Variants in TFAP2D observed in about 807,000 individuals in gnomAD.
TFAP2D encodes the protein transcription factor AP-2 delta, also known as transcription factor AP-2-delta.
Under a neutral mutation model 43.6 loss-of-function variants are expected in TFAP2D, and 9 were observed. The ratio of observed to expected loss-of-function variants is 0.21; its 90% CI spans 0.12 to 0.36. The LOEUF (loss-of-function observed/expected upper bound fraction) is 0.36, where lower values mean the gene tolerates loss of function less well. TFAP2D is among the 10% of genes least tolerant of loss of function. The probability of loss-of-function intolerance (pLI) is 1.00; values close to 1 mark genes in which losing one functional copy is unlikely to be tolerated. For synonymous variants in TFAP2D, 256 were observed against 224.9 expected (o/e 1.14, Z -1.24); for missense variants, 513 against 561.4 (o/e 0.91, Z 0.87).
At chr6:50,720,481 A>G (rs1166691863) in intron 3 of TFAP2D, among the ~76,000 whole-genome samples, 2 of 141,742 alleles carry the variant, frequency 1.4e-5, no homozygotes, top group South Asian at 4.5e-4. Flanking sequence ...CCCTATGGAG[A>G]TTAAAACACA....
chr6:50,717,726 G>A (rs185139268), intron 2 of TFAP2D, among the ~76,000 whole-genome samples: 277 of 152,206 alleles, frequency 1.8e-3, no homozygotes, highest in Middle Eastern at 0.01. Flanking sequence ...ATGCTATGTA[G>A]CAAGTTTGTA....
At chr6:50,726,341 G>A (rs1266750537) in intron 3 of TFAP2D, among the ~76,000 whole-genome samples, 1 of 152,112 alleles carries the variant, frequency 6.6e-6, no homozygotes, top group Non-Finnish European at 1.5e-5. Context: ...CTAAAATTGT[G>A]GTATTCCCTA....
intron 7 of TFAP2D, among the ~76,000 whole-genome samples, chr6:50,759,902 C>G (rs1292268145): frequency 1.3e-5 from 2 of 152,122 alleles, no homozygotes; most frequent in East Asian, 3.9e-4. Flanking sequence ...GAGCACACAT[C>G]TCCCAATCTG....
At chr6:50,765,059 T>G (rs2113894010) in intron 7 of TFAP2D, among the ~76,000 whole-genome samples, 1 of 152,304 alleles carries the variant, frequency 6.6e-6, no homozygotes, top group East Asian at 1.9e-4. Flanking sequence ...TACTGAAAGT[T>G]TGTACCTTTT....
intron 7 of TFAP2D, among the ~76,000 whole-genome samples, chr6:50,753,435 C>T (rs1439726531): frequency 6.6e-6 from 1 of 151,912 alleles, no homozygotes; most frequent in African/African-American, 2.4e-5. Flanking sequence ...CAGTTGCCAA[C>T]TTAGTGCCAC....
chr6:50,715,427 C>G lies in TFAP2D; in HGVS notation c.351C>G (p.His117Gln), dbSNP rs768685047. The G allele has an allele frequency of 4.3e-6, 7 of 1,614,172 alleles. No individual in the cohort carries two copies. In the South Asian group the frequency reaches 7.7e-5, roughly 18 times the overall value. The change falls in exon 2 of 8, where the codon CAC becomes CAG. Residue 117 changes from histidine (H) to glutamine (Q), a missense_variant. This residue lies in a region of TFAP2D where 311 missense variants were observed against 316.2 expected (regional missense o/e 0.98). Coordinates refer to ENST00000008391, the MANE Select transcript of TFAP2D (RefSeq NM_172238.4). The part of the protein sequence containing the change: ...HGEPTDFINL[H>Q]NARALKSSCL... ...AGCCCACCGACTTTATTAACCTGCA[C>G]AATGCGCGGGCGCTCAAGTCGTCCT...
At chr6:50,737,587 T>C (rs1162715100) in intron 5 of TFAP2D, among the ~76,000 whole-genome samples, 2 of 152,144 alleles carry the variant, frequency 1.3e-5, no homozygotes, top group Non-Finnish European at 1.5e-5. Flanking sequence ...AGAAAACAAA[T>C]GTTATTAGTT....
In TFAP2D at chr6:50,772,875, C is replaced by T. The variant is rs1561943770; in HGVS notation, c.*11C>T. 2 of 1,604,034 alleles carry T rather than the reference C, an allele frequency of 1.2e-6. No individual in the cohort carries two copies. The highest frequency in any genetic ancestry group is 2.3e-5 in the East Asian group (1 of 44,260). Reference sequence around the variant, plus strand: ...GAAAAGACAGACTAGCTACATCAAACAGAATCTATTTCCAGAGAGTCTTGC... The same window carrying T: ...GAAAAGACAGACTAGCTACATCAAATAGAATCTATTTCCAGAGAGTCTTGC... On this transcript the variant is annotated 3_prime_UTR_variant, in exon 8 of 8. Transcript: ENST00000008391.
chr6:50,755,905 A>G (rs1769257327), intron 7 of TFAP2D, among the ~76,000 whole-genome samples: 1 of 151,932 alleles, frequency 6.6e-6, no homozygotes, highest in Non-Finnish European at 1.5e-5. Context: ...ATTTTTTGTG[A>G]GAGAGGTTCT....
chr6:50,756,201 A>C (rs1053221950), intron 7 of TFAP2D, among the ~76,000 whole-genome samples: 47 of 152,002 alleles, frequency 3.1e-4, no homozygotes, highest in African/African-American at 1.1e-3. Context: ...TGACAGTGAC[A>C]ACTGTAATTT....
intron 3 of TFAP2D, among the ~76,000 whole-genome samples, chr6:50,724,763 G>GT (rs1561932422): frequency 6.6e-6 from 1 of 150,750 alleles, no homozygotes; most frequent in East Asian, 1.9e-4. Flanking sequence ...ACGGTGGCGG[G>GT]GTGTGTGTGT....
chr6:50,761,617 C>T (rs1347685214), intron 7 of TFAP2D, among the ~76,000 whole-genome samples: 1 of 151,992 alleles, frequency 6.6e-6, no homozygotes, highest in Non-Finnish European at 1.5e-5. Context: ...TAGAAGGTTG[C>T]TTCAGTCTAT....
intron 5 of TFAP2D, among the ~76,000 whole-genome samples, chr6:50,743,821 A>G (rs1769087395): frequency 6.6e-6 from 1 of 152,132 alleles, no homozygotes; most frequent in Admixed American, 6.5e-5. Context: ...ATAACAACAA[A>G]CATGAAAAGA....
At chr6:50,771,284 C>A (rs577207216) in intron 7 of TFAP2D, among the ~76,000 whole-genome samples, 2 of 152,238 alleles carry the variant, frequency 1.3e-5, no homozygotes, top group South Asian at 2.1e-4. Flanking sequence ...GCCACCTAAG[C>A]GATTATCTAC....
At chr6:50,762,372 T>C (rs1271356577) in intron 7 of TFAP2D, among the ~76,000 whole-genome samples, 1 of 151,938 alleles carries the variant, frequency 6.6e-6, no homozygotes, top group African/African-American at 2.4e-5. Flanking sequence ...TTCACACATA[T>C]ATGCATACAC....
chr6:50,740,639 A>G (rs950852779), intron 5 of TFAP2D, among the ~76,000 whole-genome samples: 2 of 152,056 alleles, frequency 1.3e-5, no homozygotes, highest in Admixed American at 6.6e-5. Context: ...GGGTTTCACC[A>G]TCTTGGCCAG....
chr6:50,771,302 A>G (rs1309494076), intron 7 of TFAP2D, among the ~76,000 whole-genome samples: 1 of 152,210 alleles, frequency 6.6e-6, no homozygotes, highest in Non-Finnish European at 1.5e-5. Flanking sequence ...TACATAGGGC[A>G]TAGCTACCCT....
At chr6:50,716,777 C>T (rs780974750) in intron 2 of TFAP2D, among the ~76,000 whole-genome samples, 35 of 152,184 alleles carry the variant, frequency 2.3e-4, no homozygotes, top group Non-Finnish European at 4.7e-4. Flanking sequence ...TCTTCACACT[C>T]TCCAGGACAA....
chr6:50,729,275 A>G lies in TFAP2D; in HGVS notation c.846A>G (p.Lys282=). ...LGLNLPAGRR[K]AANVTLLTSL... ...TAAACTTACCAGCAGGAAGACGGAAAGCAGCTAATGTCACCCTCCTTACTT... is the reference window on the plus strand; with the variant it reads ...TAAACTTACCAGCAGGAAGACGGAAGGCAGCTAATGTCACCCTCCTTACTT... The change falls in exon 5 of 8, where the codon AAA becomes AAG. Residue 282 remains lysine, a synonymous_variant. Coordinates refer to ENST00000008391, the MANE Select transcript of TFAP2D (RefSeq NM_172238.4). The G allele has an allele frequency of 6.2e-7, 1 of 1,613,998 alleles. No homozygotes were observed.
Sources: allele counts gnomAD v4.1 joint callset (sites outside exome capture counted in the v4.1 genomes callset), GRCh38; gene constraint gnomAD v4.1.1; regional missense constraint gnomAD v4.1.1; transcripts MANE v1.5; gene names NCBI Gene and HGNC (gene_info 2026-07-23, HGNC 2026-07-21).